LTN1: variants seen among roughly 807,000 people sequenced by gnomAD.
LTN1 encodes the protein listerin E3 ubiquitin protein ligase 1.
Under a neutral mutation model 201.2 loss-of-function variants are expected in LTN1, and 88 were observed. The ratio of observed to expected loss-of-function variants is 0.44; its 90% CI spans 0.37 to 0.52. The LOEUF is 0.52. Ranked by LOEUF, LTN1 falls within the 20% of genes least tolerant of loss-of-function variation. The pLI is 0.00. For synonymous variants in LTN1, 645 were observed against 713.5 expected (o/e 0.90, Z 1.53); for missense variants, 1,752 against 2,038.7 (o/e 0.86, Z 2.71).
At position 28,966,808 on chromosome 21, in the gene LTN1, C is replaced by G. The variant is rs527967076; in HGVS notation, c.1683G>C (p.Glu561Asp). 1.2e-6 allele frequency: 2 copies of G among 1,613,044 alleles called. No homozygotes were observed. The highest frequency in any genetic ancestry group is 4.5e-5 in the East Asian group (2 of 44,882). The part of the protein sequence containing the change: ...ENEKCVSSEG[E>D]KIEGWELTTE... The stretch of plus-strand genomic sequence containing the variant: ...TTGTTAATTCCCAGCCTTCAATCTT[C>G]TCTCCTTCTGAAGATACACATTTTT... The change falls in exon 10 of 30, where the codon GAG (glutamate) becomes GAC (aspartate). Residue 561 changes from glutamate (E) to aspartate (D), a missense_variant. Physicochemically the swap from Glu to Asp is conservative, Grantham distance 45 (BLOSUM62 2). Coordinates refer to ENST00000361371, the MANE Select transcript of LTN1 (RefSeq NM_015565.3).
At chr21:28,980,510 T>C (rs977960102) in intron 6 of LTN1, among the ~76,000 whole-genome samples, 29 of 151,114 alleles carry the variant, frequency 1.9e-4, no homozygotes, top group Non-Finnish European at 8.8e-5. Flanking sequence ...AACCTGCACA[T>C]TGTGCACATG....
chr21:28,946,095 G>A (rs1429819386), intron 20 of LTN1, 57 bp downstream of exon 20: 12 of 1,488,792 alleles, frequency 8.1e-6, no homozygotes, highest in South Asian at 3.7e-5. Flanking sequence ...ACACAGATAC[G>A]TAATCTTTGT....
Position 28,958,458 on chromosome 21 carries a change from TC to T in LTN1, c.2674del (p.Glu892ArgfsTer12). ...AGCAGACAAATGTAGGAAGGTACTC[TC>T]TTTATATGAACTGTCAGTTTGATGA... ...LVHQTDSSYK[E>X]STFLHLSALW... On this transcript the variant is annotated frameshift_variant, in exon 14 of 30. Coordinates refer to ENST00000361371, the MANE Select transcript of LTN1 (RefSeq NM_015565.3). LOFTEE classifies it high-confidence loss of function. The T allele has an allele frequency of 6.2e-7, 1 of 1,612,396 alleles. No homozygotes were observed. The highest frequency in any genetic ancestry group is 8.5e-7 in the Non-Finnish European group (1 of 1,179,224).
At chr21:28,983,892 T>C (rs1159762928) in intron 4 of LTN1, among the ~76,000 whole-genome samples, 1 of 152,232 alleles carries the variant, frequency 6.6e-6, no homozygotes, top group Non-Finnish European at 1.5e-5. Flanking sequence ...CTGGTTTTTC[T>C]AGTCCATATA....
rs1202695839 is a variant in LTN1, at chr21:28,928,558, T to C, written c.*1890A>G. On this transcript the variant is annotated 3_prime_UTR_variant, in exon 30 of 30. Coordinates refer to ENST00000361371, the MANE Select transcript of LTN1 (RefSeq NM_015565.3). Reference sequence around the variant, plus strand: ...AGTTGTCAACGCTGTACAGATGTGGTATTCTGAATTTCAGTCTTATCTTGT... The same window carrying C: ...AGTTGTCAACGCTGTACAGATGTGGCATTCTGAATTTCAGTCTTATCTTGT... 1.1e-5 allele frequency: 1 copy of C among 94,480 alleles called. No individual in the cohort carries two copies. Among genetic ancestry groups the C allele is most frequent in the East Asian group, 4.8e-4 (1 of 2,064 alleles). The allele number at this position is 94,480 out of a possible 1,614,324, so 5.9% of individuals were successfully genotyped here. A position where few individuals can be genotyped will look rare whatever the true frequency, so the allele number is the denominator to read the frequency against.
chr21:28,967,226 C>T (rs2084534412), intron 9 of LTN1, 47 bp from the exon 10 acceptor site: 1 of 1,312,606 alleles, frequency 7.6e-7, no homozygotes, highest in African/African-American at 1.5e-5. Context: ...TGGTCTTCAA[C>T]CCCCATCTCC....
Position 28,944,369 on chromosome 21 carries a change from C to T in LTN1, c.3982+14G>A. 6.3e-7 allele frequency: 1 copy of T among 1,590,222 alleles called. No individual in the cohort carries two copies. Among genetic ancestry groups the T allele is most frequent in the Non-Finnish European group, 8.6e-7 (1 of 1,158,676 alleles). ...CAATGAATCAATCTCACTATTATTC[C>T]CTTTTTCACTTGCCTGTAACAGTCA... is the stretch of plus-strand genomic sequence containing the variant. On this transcript the variant is annotated intron_variant, in intron 22 of 29. Transcript: ENST00000361371.
intron 25 of LTN1, among the ~76,000 whole-genome samples, chr21:28,940,568 C>T (rs1052320785): frequency 6.6e-5 from 10 of 151,122 alleles, no homozygotes; most frequent in Admixed American, 3.9e-4. Context: ...CTGACTCCCT[C>T]CGAAAAAAAA....
chr21:28,978,218 G>C (rs890213436), intron 6 of LTN1, among the ~76,000 whole-genome samples: 4 of 152,046 alleles, frequency 2.6e-5, no homozygotes, highest in African/African-American at 9.7e-5. Context: ...TTTTTGTAGA[G>C]ACAGGGTCTT....
At chr21:28,972,534 T>C (rs564723463) in intron 6 of LTN1, among the ~76,000 whole-genome samples, 55 of 152,264 alleles carry the variant, frequency 3.6e-4, no homozygotes, top group Middle Eastern at 3.4e-3. Context: ...TTTGTTAAAG[T>C]AGCCTGAATG....
intron 18 of LTN1, among the ~76,000 whole-genome samples, chr21:28,950,087 G>A (rs1255506685): frequency 6.6e-6 from 1 of 151,936 alleles, no homozygotes; most frequent in Non-Finnish European, 1.5e-5. Flanking sequence ...TCCTTCAAAT[G>A]TATACTATGT....
intron 1 of LTN1, among the ~76,000 whole-genome samples, chr21:28,989,166 G>T (rs1364323183): frequency 6.6e-6 from 1 of 152,040 alleles, no homozygotes; most frequent in Admixed American, 6.6e-5. Context: ...TAGGGTATCA[G>T]AATTTTCTAC....
At chr21:28,984,573 G>A in intron 4 of LTN1, 119 bp downstream of exon 4, 1 of 623,820 alleles carries the variant, frequency 1.6e-6, no homozygotes, top group Non-Finnish European at 2.6e-6. Context: ...GCAACCTTCA[G>A]TTGGAAATAC....
chr21:28,964,610 T>A, intron 11 of LTN1: 2 of 1,549,010 alleles, frequency 1.3e-6, no homozygotes, highest in Non-Finnish European at 1.7e-6. Context: ...TGAACATATC[T>A]AATGAAAGAA....
At chr21:28,959,950 G>A in intron 12 of LTN1, 1 of 299,604 alleles carries the variant, frequency 3.3e-6, no homozygotes, top group South Asian at 5.8e-5. Context: ...AACCCTTTAA[G>A]TCATGAGTCA....
intron 5 of LTN1, among the ~76,000 whole-genome samples, chr21:28,981,836 T>C (rs2084660887): frequency 6.6e-6 from 1 of 152,212 alleles, no homozygotes; most frequent in African/African-American, 2.4e-5. Context: ...GCAGGACAAC[T>C]TGCAAGTAAA....
intron 17 of LTN1, 59 bp downstream of exon 17, chr21:28,953,158 G>T (rs923995195): frequency 5.3e-6 from 7 of 1,311,962 alleles, no homozygotes; most frequent in Non-Finnish European, 7.2e-6. Flanking sequence ...TCTTACAGAA[G>T]GCAAAGCCAT....
At chr21:28,946,595 A>G (rs548133421) in intron 19 of LTN1, among the ~76,000 whole-genome samples, 4 of 152,358 alleles carry the variant, frequency 2.6e-5, no homozygotes, top group African/African-American at 9.6e-5. Context: ...CATATTCAGC[A>G]AACTCATCAT....
intron 10 of LTN1, among the ~76,000 whole-genome samples, chr21:28,966,145 A>G (rs1462812565): frequency 6.6e-6 from 1 of 152,242 alleles, no homozygotes; most frequent in African/African-American, 2.4e-5. Context: ...CAACTTTTTA[A>G]ATGTATAGAT....
Sources: gnomAD v4.1 joint callset for allele counts (sites outside exome capture counted in the v4.1 genomes callset) on GRCh38, gnomAD v4.1.1 for gene constraint, MANE v1.5 for transcripts, NCBI Gene and HGNC (gene_info 2026-07-23, HGNC 2026-07-21) for gene names.